The following MYRIP variants were observed in gnomAD, a reference collection of about 807,000 sequenced individuals.
MYRIP encodes rab effector MyRIP.
MYRIP carries 49 observed loss-of-function variants against 98.0 expected under a neutral mutation model. That is an observed-to-expected ratio of 0.50 (90% CI 0.40 to 0.63). The LOEUF is 0.63. Ranked by LOEUF, MYRIP falls within the 30% of genes least tolerant of loss-of-function variation. The pLI is 0.00. For synonymous variants in MYRIP, 404 were observed against 409.5 expected, an observed-to-expected ratio of 0.99 and a Z score of 0.16; for missense variants, 1,004 against 1,058.2, an observed-to-expected ratio of 0.95 and a Z score of 0.71.
At chr3:39,853,534 G>T (rs1192070828) in intron 1 of MYRIP, among the ~76,000 whole-genome samples, 14 of 152,026 alleles carry the variant, frequency 9.2e-5, no homozygotes, top group African/African-American at 3.4e-4. Flanking sequence ...TTTCATGTTT[G>T]TTGGCCATTT....
intron 2 of MYRIP, among the ~76,000 whole-genome samples, chr3:39,919,700 G>A (rs966248197): frequency 1.4e-4 from 16 of 117,574 alleles, no homozygotes; most frequent in African/African-American, 4.3e-4. Flanking sequence ...TGTGGTGTGT[G>A]TGTGTGTGTG....
At chr3:39,850,626 A>G (rs907980326) in intron 1 of MYRIP, among the ~76,000 whole-genome samples, 5 of 152,232 alleles carry the variant, frequency 3.3e-5, no homozygotes, top group African/African-American at 1.2e-4. Flanking sequence ...ATGGAACAGT[A>G]AATTTGAGCC....
rs185833093 is a variant in MYRIP at position 39,890,111 on chromosome 3, A to C, written c.-30-10676A>C. The stretch of plus-strand genomic sequence containing the variant: ...GTTTCATCTCTCCATTTCCTTCTTG[A>C]AAGGGTTCTCTTCTACTTTTCCTCC... On this transcript the variant is annotated intron_variant, in intron 1 of 16. Transcript: ENST00000302541. 1.1e-4 allele frequency among the ~76,000 whole-genome samples: 16 copies of C among 151,818 alleles called. No individual in the cohort carries two copies. In the East Asian group the frequency reaches 3.1e-3, roughly 29 times the overall value.
At chr3:40,009,144 A>G (rs1421352685) in intron 2 of MYRIP, among the ~76,000 whole-genome samples, 1 of 151,998 alleles carries the variant, frequency 6.6e-6, no homozygotes, top group East Asian at 1.9e-4. Context: ...ACAGAACTGT[A>G]TGGGCCAAAT....
intron 3 of MYRIP, among the ~76,000 whole-genome samples, chr3:40,144,782 T>C (rs1949977668): frequency 6.6e-6 from 1 of 152,254 alleles, no homozygotes; most frequent in Admixed American, 6.5e-5. Context: ...TGACAGATGC[T>C]TCTTGTAATA....
Position 40,212,237 on chromosome 3 carries a change from C to CGT in MYRIP, c.1905+2144_1905+2145insGT, listed in dbSNP as rs1951975229. Among the ~76,000 whole-genome samples the CGT allele has an allele frequency of 9.1e-5, 4 of 44,138 alleles. 2 individuals carry two copies. The highest frequency in any genetic ancestry group is 2.8e-4 in the Non-Finnish European group (4 of 14,042). The allele number at this position is 44,138 out of a possible 152,430, so 29.0% of individuals were successfully genotyped here. A position where few individuals can be genotyped will look rare whatever the true frequency, so the allele number is the denominator to read the frequency against. ...GTATATATATATATACACACACACA[C>CGT]ACACACACATATATATATATACACG... On this transcript the variant is annotated intron_variant, in intron 11 of 16. Coordinates refer to ENST00000302541, the MANE Select transcript of MYRIP (RefSeq NM_015460.4).
chr3:40,108,341 A>T (rs542007388), intron 3 of MYRIP, among the ~76,000 whole-genome samples: 4 of 152,070 alleles, frequency 2.6e-5, no homozygotes, highest in African/African-American at 9.7e-5. Context: ...GGAAATATCC[A>T]ATGAGCAGAG....
chr3:40,254,920 A>G (rs1330748558), intron 16 of MYRIP, among the ~76,000 whole-genome samples: 1 of 152,194 alleles, frequency 6.6e-6, no homozygotes, highest in Admixed American at 6.5e-5. Flanking sequence ...GTTACCTTTT[A>G]TCCTTCACCC....
At position 40,234,900 on chromosome 3, in the gene MYRIP, A is replaced by T. The variant is rs77448429; in HGVS notation, c.2100+847A>T. 4.0e-3 allele frequency among the ~76,000 whole-genome samples: 605 copies of T among 151,622 alleles called. 2 individuals carry two copies. Among genetic ancestry groups the T allele is most frequent in the African/African-American group, 0.014 (585 of 41,368 alleles). ...TCCCAGCTACTTGGGAGGCTGACCC[A>T]GGAAATCGCTTGAACACAGGAGGCG... On this transcript the variant is annotated intron_variant, in intron 12 of 16. Transcript: ENST00000302541.
chr3:40,027,299 C>A (rs899668242), intron 2 of MYRIP, among the ~76,000 whole-genome samples: 2 of 152,134 alleles, frequency 1.3e-5, no homozygotes, highest in African/African-American at 4.8e-5. Flanking sequence ...TCACTCTCAC[C>A]AAGATGACTG....
At chr3:39,946,621 C>A (rs974812731) in intron 2 of MYRIP, among the ~76,000 whole-genome samples, 2 of 152,162 alleles carry the variant, frequency 1.3e-5, no homozygotes, top group Admixed American at 1.3e-4. Flanking sequence ...ACAGCAGAGA[C>A]CTCAGTCCTA....
intron 1 of MYRIP, among the ~76,000 whole-genome samples, chr3:39,845,737 A>G (rs1575298606): frequency 6.6e-6 from 1 of 151,924 alleles, no homozygotes; most frequent in East Asian, 1.9e-4. Flanking sequence ...ATGATAAGGG[A>G]ATTGTCACCC....
At chr3:39,981,507 T>G (rs1331188083) in intron 2 of MYRIP, among the ~76,000 whole-genome samples, 1 of 152,170 alleles carries the variant, frequency 6.6e-6, no homozygotes, top group East Asian at 1.9e-4. Flanking sequence ...ACAGCAAATA[T>G]GGGGAGGTCA....
chr3:40,000,439 G>A (rs374418433), intron 2 of MYRIP, among the ~76,000 whole-genome samples: 12 of 152,228 alleles, frequency 7.9e-5, no homozygotes, highest in Middle Eastern at 3.4e-3. Context: ...TGTCATGGCC[G>A]ATTTGTGTCT....
At chr3:40,031,559 T>C (rs1947261283) in intron 2 of MYRIP, among the ~76,000 whole-genome samples, 1 of 152,110 alleles carries the variant, frequency 6.6e-6, no homozygotes. Context: ...AGGGCTGTAC[T>C]CTTAGTGAAA....
intron 1 of MYRIP, among the ~76,000 whole-genome samples, chr3:39,871,649 A>T (rs1405904601): frequency 6.6e-6 from 1 of 152,116 alleles, no homozygotes; most frequent in East Asian, 1.9e-4. Flanking sequence ...GAGCCTGCCA[A>T]AATAACACAT....
chr3:40,116,878 C>T (rs1949293492), intron 3 of MYRIP, among the ~76,000 whole-genome samples: 1 of 152,196 alleles, frequency 6.6e-6, no homozygotes, highest in African/African-American at 2.4e-5. Context: ...TTGCCATGAA[C>T]CTCTTTTCTC....
chr3:39,940,727 A>T (rs541637525), intron 2 of MYRIP, among the ~76,000 whole-genome samples: 1 of 152,326 alleles, frequency 6.6e-6, no homozygotes, highest in South Asian at 2.1e-4. Context: ...TAAAGCAAAC[A>T]ATAGACTAAA....
chr3:40,131,110 T>C (rs1020480165), intron 3 of MYRIP, among the ~76,000 whole-genome samples: 1 of 152,184 alleles, frequency 6.6e-6, no homozygotes, highest in African/African-American at 2.4e-5. Flanking sequence ...GAATTGCCAT[T>C]GTGAAAAATT....
Sources: gnomAD v4.1 joint callset for allele counts (sites outside exome capture counted in the v4.1 genomes callset) on GRCh38, gnomAD v4.1.1 for gene constraint, MANE v1.5 for transcripts, NCBI Gene and HGNC (gene_info 2026-07-23, HGNC 2026-07-21) for gene names.